The following SLC38A11 variants were observed in gnomAD, a reference collection of about 807,000 sequenced individuals.
SLC38A11 encodes the protein solute carrier family 38 member 11.
A neutral mutation model predicts 49.4 loss-of-function variants in SLC38A11; 51 were observed. The ratio of observed to expected loss-of-function variants is 1.03; its 90% CI spans 0.83 to 1.30. The LOEUF is 1.30. Among genes scored for constraint, SLC38A11 ranks in the 50% most tolerant of loss-of-function variants. The probability of loss-of-function intolerance (pLI) is 0.00; values close to 1 mark genes in which losing one functional copy is unlikely to be tolerated. For missense variants in SLC38A11, 574 were observed against 556.2 expected (o/e 1.03, Z -0.32); for synonymous variants, 203 against 192.9 (o/e 1.05, Z -0.43).
chr2:164,925,530 C>A (rs141411194), intron 7 of SLC38A11, among the ~76,000 whole-genome samples: 1 of 152,182 alleles, frequency 6.6e-6, no homozygotes, highest in African/African-American at 2.4e-5. Context: ...CTTGCATTTC[C>A]AAAAGATTGG....
chr2:164,898,312 TA>T lies in SLC38A11; in HGVS notation c.*124del. The T allele has an allele frequency of 1.4e-6, 1 of 732,182 alleles. No individual in the cohort carries two copies. Among genetic ancestry groups the T allele is most frequent in the Non-Finnish European group, 2.2e-6 (1 of 455,568 alleles). The allele number at this position is 732,182 out of a possible 1,614,324, so 45.4% of individuals were successfully genotyped here. On this transcript the variant is annotated 3_prime_UTR_variant, in exon 12 of 12. Transcript: ENST00000685975. ...TTTATCTTTTATATTGCACTACTCATAAAAGCCAAGTCTTGATAAAAGCCAA... is the reference window on the plus strand; with the variant it reads ...TTTATCTTTTATATTGCACTACTCATAAAGCCAAGTCTTGATAAAAGCCAA...
chr2:164,934,797 T>C (rs1363478079), intron 7 of SLC38A11, among the ~76,000 whole-genome samples: 1 of 152,190 alleles, frequency 6.6e-6, no homozygotes, highest in African/African-American at 2.4e-5. Context: ...TCATTTATGG[T>C]ATTCTGTTTA....
At chr2:164,928,842 C>T (rs577215579) in intron 7 of SLC38A11, among the ~76,000 whole-genome samples, 25 of 152,080 alleles carry the variant, frequency 1.6e-4, no homozygotes, top group Admixed American at 5.9e-4. Flanking sequence ...TCACAATTTA[C>T]TCCTTATATT....
chr2:164,925,346 T>A (rs912704063), intron 7 of SLC38A11, among the ~76,000 whole-genome samples: 1 of 152,186 alleles, frequency 6.6e-6, no homozygotes, highest in African/African-American at 2.4e-5. Flanking sequence ...TTTGTTGTGC[T>A]TTTTCACAAA....
intron 7 of SLC38A11, among the ~76,000 whole-genome samples, chr2:164,926,317 C>G (rs1686579600): frequency 6.6e-6 from 1 of 152,206 alleles, no homozygotes; most frequent in Non-Finnish European, 1.5e-5. Context: ...GCCAAACTCT[C>G]TAGGCTCATT....
intron 3 of SLC38A11, chr2:164,950,069 G>A (rs1688418597): frequency 6.6e-6 from 1 of 152,190 alleles, no homozygotes; most frequent in South Asian, 2.1e-4. Context: ...GCAGGTCACT[G>A]GCCAAGGAGA....
intron 7 of SLC38A11, among the ~76,000 whole-genome samples, chr2:164,933,491 A>G (rs1433960429): frequency 6.6e-6 from 1 of 152,138 alleles, no homozygotes; most frequent in Non-Finnish European, 1.5e-5. Flanking sequence ...CCTATAAGTT[A>G]TGGAAAAGGA....
chr2:164,955,056 A>G (rs1688760210), intron 1 of SLC38A11, among the ~76,000 whole-genome samples, 153 bp downstream of exon 1: 1 of 152,082 alleles, frequency 6.6e-6, no homozygotes, highest in South Asian at 2.1e-4. Context: ...AAAAAAAAAA[A>G]AAAAGTCAGA....
At chr2:164,945,384 C>T (rs1232152809) in intron 4 of SLC38A11, among the ~76,000 whole-genome samples, 1 of 151,350 alleles carries the variant, frequency 6.6e-6, no homozygotes, top group Admixed American at 6.6e-5. Context: ...GTGAAAATAA[C>T]CCTCATTTTA....
chr2:164,921,137 T>A (rs1319234280), intron 7 of SLC38A11, among the ~76,000 whole-genome samples: 1 of 152,108 alleles, frequency 6.6e-6, no homozygotes, highest in African/African-American at 2.4e-5. Flanking sequence ...TCATCTACTG[T>A]AAGAGAAGAT....
chr2:164,952,755 C>G lies in SLC38A11; in HGVS notation c.181G>C (p.Gly61Arg). ...IGLPYSMKQA[G>R]FPLGILLLFW... ...AAAAGCAATATTCCCAAAGGAAACC[C>G]AGCTTGCTTCATTGAATAAGGCAAT... The change falls in exon 3 of 12, where the codon GGG becomes CGG. Residue 61 changes from glycine (G) to arginine (R), a missense_variant. Physicochemically the swap from Gly to Arg is moderately radical, Grantham distance 125. Coordinates refer to ENST00000685975, the MANE Select transcript of SLC38A11 (RefSeq NM_001351537.2). 6.2e-7 allele frequency: 1 copy of G among 1,606,038 alleles called. No homozygotes were observed.
intron 8 of SLC38A11, 158 bp from the exon 9 acceptor site, chr2:164,915,431 T>C: frequency 1.6e-6 from 1 of 637,158 alleles, no homozygotes; most frequent in South Asian, 2.5e-5. Flanking sequence ...CTAATAGTTC[T>C]AGAAATGAGA....
chr2:164,936,033 G>A (rs944306352), intron 7 of SLC38A11, among the ~76,000 whole-genome samples: 1 of 152,116 alleles, frequency 6.6e-6, no homozygotes, highest in African/African-American at 2.4e-5. Flanking sequence ...CCAGAACTAT[G>A]AGAAAATACC....
At chr2:164,914,354 G>A (rs1446955923) in intron 9 of SLC38A11, among the ~76,000 whole-genome samples, 1 of 152,030 alleles carries the variant, frequency 6.6e-6, no homozygotes, top group East Asian at 1.9e-4. Flanking sequence ...AGAGAGGACT[G>A]CTCAGTTGCT....
In SLC38A11 at chr2:164,911,898, T is replaced by C. The variant is rs1573901096; in HGVS notation, c.851-150A>G. ...GCTGTATTTTTACTATATATTTTTC[T>C]ATGTTTAGATACATAAATACTTTCC... On this transcript the variant is annotated intron_variant, in intron 9 of 11. Coordinates refer to ENST00000685975, the MANE Select transcript of SLC38A11 (RefSeq NM_001351537.2). 1.4e-5 allele frequency: 7 copies of C among 486,076 alleles called. No individual in the cohort carries two copies. The East Asian group carries it at 2.4e-4, about 17-fold the overall frequency. The allele number at this position is 486,076 out of a possible 1,614,324, so 30.1% of individuals were successfully genotyped here. A position where few individuals can be genotyped will look rare whatever the true frequency, so the allele number is the denominator to read the frequency against.
rs142726962 is a variant in SLC38A11 at position 164,926,757 on chromosome 2, G to A, written c.617+10593C>T. On this transcript the variant is annotated intron_variant, in intron 7 of 11. Transcript: ENST00000685975. ...AAACCATCATTCTGAGAAAACTATC[G>A]CAAGGACAGAAAATCAAACACCGCA... 9.7e-4 allele frequency among the ~76,000 whole-genome samples: 147 copies of A among 150,986 alleles called. 2 individuals are homozygous for A. In the East Asian group the frequency reaches 0.018, roughly 18 times the overall value.
At chr2:164,923,934 C>A (rs2105475690) in intron 7 of SLC38A11, among the ~76,000 whole-genome samples, 1 of 152,238 alleles carries the variant, frequency 6.6e-6, no homozygotes, top group African/African-American at 2.4e-5. Flanking sequence ...TAAAACAGAA[C>A]TACCATTCAA....
chr2:164,955,146 G>T, intron 1 of SLC38A11, 63 bp downstream of exon 1: 1 of 1,485,474 alleles, frequency 6.7e-7, no homozygotes, highest in Non-Finnish European at 9.2e-7. Context: ...GACCTGACCT[G>T]TTGCAAGGTG....
At chr2:164,933,192 A>G (rs1687127986) in intron 7 of SLC38A11, among the ~76,000 whole-genome samples, 3 of 152,092 alleles carry the variant, frequency 2.0e-5, no homozygotes, top group African/African-American at 7.2e-5. Flanking sequence ...TGCATGTTAT[A>G]ATTTCCATTC....
Sources: gnomAD v4.1 joint callset for allele counts (sites outside exome capture counted in the v4.1 genomes callset) on GRCh38, gnomAD v4.1.1 for gene constraint, MANE v1.5 for transcripts, NCBI Gene and HGNC (gene_info 2026-07-23, HGNC 2026-07-21) for gene names.